USH2A: variants seen among roughly 807,000 people sequenced by gnomAD.
USH2A encodes the protein usherin.
In USH2A, 443 loss-of-function variants were observed where a neutral mutation model predicts 538.9. The observed-to-expected ratio is 0.82, with a 90% CI of 0.76 to 0.89. The LOEUF (loss-of-function observed/expected upper bound fraction) is 0.89. USH2A is among the 40% of genes least tolerant of loss of function. The pLI is 0.00. For synonymous variants in USH2A, 2,413 were observed against 2,273.5 expected (o/e 1.06, Z -1.75); for missense variants, 6,633 against 6,324.8 (o/e 1.05, Z -1.65).
At chr1:216,307,299 G>C (rs563671489) in intron 9 of USH2A, among the ~76,000 whole-genome samples, 2 of 151,980 alleles carry the variant, frequency 1.3e-5, no homozygotes, top group African/African-American at 4.8e-5. Flanking sequence ...GTTTCTAGGG[G>C]GATTATGGCT....
At chr1:216,238,200 A>G (rs1168231445) in intron 13 of USH2A, among the ~76,000 whole-genome samples, 2 of 152,220 alleles carry the variant, frequency 1.3e-5, no homozygotes, top group Non-Finnish European at 2.9e-5. Flanking sequence ...CTGCCCTATT[A>G]GTACAAAACA....
intron 36 of USH2A, among the ~76,000 whole-genome samples, chr1:215,970,295 T>C (rs918797282): frequency 1.3e-5 from 2 of 152,172 alleles, no homozygotes; most frequent in African/African-American, 4.8e-5. Context: ...TACTTAGATG[T>C]TGAGCCCATG....
chr1:215,937,826 C>G (rs897605028), intron 37 of USH2A, among the ~76,000 whole-genome samples: 1 of 152,046 alleles, frequency 6.6e-6, no homozygotes, highest in Admixed American at 6.6e-5. Flanking sequence ...GGGACAAATA[C>G]AAAATCAATG....
At chr1:215,940,043 T>C (rs1431585059) in intron 37 of USH2A, among the ~76,000 whole-genome samples, 1 of 152,136 alleles carries the variant, frequency 6.6e-6, no homozygotes, top group South Asian at 2.1e-4. Context: ...CATGAATCCA[T>C]TCTCATGACA....
At chr1:215,815,827 G>T (rs1034448009) in intron 48 of USH2A, among the ~76,000 whole-genome samples, 1 of 151,922 alleles carries the variant, frequency 6.6e-6, no homozygotes, top group African/African-American at 2.4e-5. Flanking sequence ...TGCCACTAAA[G>T]TTATAGGGTT....
At chr1:216,050,125 G>A (rs182318655) in intron 30 of USH2A, among the ~76,000 whole-genome samples, 19 of 152,248 alleles carry the variant, frequency 1.2e-4, no homozygotes, top group Admixed American at 9.8e-4. Context: ...CTTTTAAGAA[G>A]TTATTTCTCC....
intron 47 of USH2A, among the ~76,000 whole-genome samples, chr1:215,819,326 A>G (rs533046457): frequency 1.2e-4 from 18 of 151,952 alleles, no homozygotes; most frequent in African/African-American, 4.3e-4. Context: ...GTGACATCAC[A>G]TATTAGGAAT....
At chr1:215,889,191 G>T in intron 40 of USH2A, 137 bp from the exon 41 acceptor site, 1 of 1,024,564 alleles carries the variant, frequency 9.8e-7, no homozygotes, top group Non-Finnish European at 1.4e-6. Context: ...AAATAAATAA[G>T]TGCCATAAAG....
chr1:216,273,825 A>C (rs1424226426), intron 11 of USH2A, among the ~76,000 whole-genome samples: 3 of 151,794 alleles, frequency 2.0e-5, no homozygotes, highest in Non-Finnish European at 4.4e-5. Flanking sequence ...AAAAAAAAAA[A>C]AAACAAACCA....
chr1:215,876,991 A>G lies in USH2A; in HGVS notation c.8681+767T>C, dbSNP rs143209275. ...CCACATAGAAAAGTTACTGAAACATATGATCGAGGAGTTTTCATAAAATAA... is the reference window on the plus strand; with the variant it reads ...CCACATAGAAAAGTTACTGAAACATGTGATCGAGGAGTTTTCATAAAATAA... On this transcript the variant is annotated intron_variant, in intron 43 of 71. Coordinates refer to ENST00000307340, the MANE Select transcript of USH2A (RefSeq NM_206933.4). Among the ~76,000 whole-genome samples, 292 of 152,314 alleles carry G rather than the reference A, an allele frequency of 1.9e-3. 1 individual carries two copies. Among genetic ancestry groups the G allele is most frequent in the African/African-American group, 6.5e-3 (269 of 41,586 alleles).
chr1:215,708,506 G>A (rs765251467), intron 61 of USH2A, among the ~76,000 whole-genome samples: 6 of 152,186 alleles, frequency 3.9e-5, no homozygotes, highest in Non-Finnish European at 5.9e-5. Context: ...GGGCACCAGG[G>A]ATCCGTTTCA....
At chr1:216,247,255 G>C (rs1201804814) in intron 12 of USH2A, 29 bp from the exon 13 acceptor site, 15 of 1,611,844 alleles carry the variant, frequency 9.3e-6, no homozygotes, top group Non-Finnish European at 1.2e-5. Flanking sequence ...TAAAAGGTGA[G>C]GATGGGAAAA....
In USH2A at chr1:215,657,060, C is replaced by T. The variant is rs535535810; in HGVS notation, c.14134-6259G>A. Among the ~76,000 whole-genome samples the T allele has an allele frequency of 2.0e-4, 31 of 152,356 alleles. 1 individual carries two copies. Among genetic ancestry groups the T allele is most frequent in the African/African-American group, 7.2e-4 (30 of 41,578 alleles). On this transcript the variant is annotated intron_variant, in intron 64 of 71. Coordinates refer to ENST00000307340, the MANE Select transcript of USH2A (RefSeq NM_206933.4). ...AAGGTCTTTCCAATACCTGTATTGG[C>T]TAAGGCCAACAGCTAATTCAATAGA...
intron 70 of USH2A, among the ~76,000 whole-genome samples, chr1:215,633,114 A>C (rs1656362161): frequency 6.6e-6 from 1 of 152,182 alleles, no homozygotes; most frequent in South Asian, 2.1e-4. Flanking sequence ...GGGGCTAGGA[A>C]ATTTTACATA....
intron 69 of USH2A, among the ~76,000 whole-genome samples, chr1:215,637,375 C>T (rs1016566995): frequency 6.6e-6 from 1 of 152,216 alleles, no homozygotes; most frequent in Non-Finnish European, 1.5e-5. Context: ...TAAACAAGCA[C>T]ATGAGGTGAT....
chr1:216,207,982 T>C (rs1341429951), intron 15 of USH2A, among the ~76,000 whole-genome samples: 2 of 150,412 alleles, frequency 1.3e-5, no homozygotes, highest in Non-Finnish European at 2.9e-5. Flanking sequence ...GATTTGAATA[T>C]ACTATATGAA....
chr1:216,059,911 G>A (rs1028079478), intron 30 of USH2A, among the ~76,000 whole-genome samples: 3 of 152,180 alleles, frequency 2.0e-5, no homozygotes, highest in African/African-American at 4.8e-5. Flanking sequence ...TAGTGAATCA[G>A]AATCCATGTT....
chr1:216,161,357 T>C (rs1321321837), intron 21 of USH2A, among the ~76,000 whole-genome samples: 2 of 152,110 alleles, frequency 1.3e-5, no homozygotes, highest in African/African-American at 4.8e-5. Flanking sequence ...ATCATTCTTT[T>C]GGTTGTTACC....
chr1:216,040,048 T>TACACACAC (rs59691309), intron 32 of USH2A, among the ~76,000 whole-genome samples: 13 of 146,228 alleles, frequency 8.9e-5, no homozygotes, highest in African/African-American at 2.5e-4. Flanking sequence ...GTCTCTCAAT[T>TACACACAC]ACACACACAC....
Sources: allele counts gnomAD v4.1 joint callset (sites outside exome capture counted in the v4.1 genomes callset), GRCh38; gene constraint gnomAD v4.1.1; transcripts MANE v1.5; gene names NCBI Gene and HGNC (gene_info 2026-07-23, HGNC 2026-07-21).